PRKAR1B: variants seen among roughly 807,000 people sequenced by gnomAD.
PRKAR1B encodes the protein cAMP-dependent protein kinase type I-beta regulatory subunit.
PRKAR1B carries 22 observed loss-of-function variants against 46.5 expected under a neutral mutation model. That is an observed-to-expected ratio of 0.47 (90% confidence interval 0.34 to 0.68). The LOEUF (loss-of-function observed/expected upper bound fraction) is 0.68, where lower values mean the gene tolerates loss of function less well. Ranked by LOEUF, PRKAR1B falls within the 30% of genes least tolerant of loss-of-function variation. The pLI, the probability that PRKAR1B is intolerant of heterozygous loss-of-function variation, is 0.01. For missense variants in PRKAR1B, 445 were observed against 535.6 expected (o/e 0.83, Z 1.67); for synonymous variants, 259 against 217.7 (o/e 1.19, Z -1.67).
intron 4 of PRKAR1B, among the ~76,000 whole-genome samples, chr7:634,347 C>T (rs1454040405): frequency 6.6e-6 from 1 of 151,846 alleles, no homozygotes; most frequent in Non-Finnish European, 1.5e-5. Context: ...TTCAACTTAG[C>T]CAGGTGCAGT....
chr7:605,578 T>C (rs1044951130), intron 6 of PRKAR1B, among the ~76,000 whole-genome samples: 1 of 152,224 alleles, frequency 6.6e-6, no homozygotes, highest in African/African-American at 2.4e-5. Context: ...ACACATGGCC[T>C]GGCCATCGGG....
At chr7:551,824 A>C (rs377701202) in intron 9 of PRKAR1B, among the ~76,000 whole-genome samples, 2 of 64,544 alleles carry the variant, frequency 3.1e-5, no homozygotes, top group Non-Finnish European at 3.1e-5. Context: ...CCCACCTCCC[A>C]CCCAGGTCCT....
chr7:683,546 G>GTC (rs1203991723), intron 2 of PRKAR1B, among the ~76,000 whole-genome samples: 1 of 152,196 alleles, frequency 6.6e-6, no homozygotes, highest in African/African-American at 2.4e-5. Context: ...ACAAATGACT[G>GTC]TCTCCCCAGC....
At chr7:573,295 G>A (rs1779630248) in intron 9 of PRKAR1B, among the ~76,000 whole-genome samples, 1 of 152,284 alleles carries the variant, frequency 6.6e-6, no homozygotes, top group Admixed American at 6.5e-5. Context: ...GACGTGCAAG[G>A]CGCTGTTTTA....
chr7:727,110 C>T, intron 1 of PRKAR1B, 100 bp downstream of exon 1: 1 of 1,108,714 alleles, frequency 9.0e-7, no homozygotes, highest in Non-Finnish European at 1.1e-6. Flanking sequence ...GCCCCGTGCC[C>T]GCGCGCCGCC....
chr7:573,487 G>A (rs1041852858), intron 9 of PRKAR1B, among the ~76,000 whole-genome samples: 1 of 151,934 alleles, frequency 6.6e-6, no homozygotes, highest in African/African-American at 2.4e-5. Context: ...CCTGCGGAGG[G>A]GCAGCCAGCA....
intron 4 of PRKAR1B, among the ~76,000 whole-genome samples, chr7:655,185 T>A (rs1265009868): frequency 2.6e-5 from 4 of 152,340 alleles, no homozygotes; most frequent in Admixed American, 2.6e-4. Flanking sequence ...GCCGACATGC[T>A]ATGCCTTCTA....
chr7:583,685 G>GT (rs1780421189), intron 8 of PRKAR1B, among the ~76,000 whole-genome samples: 7 of 137,930 alleles, frequency 5.1e-5, no homozygotes, highest in Admixed American at 7.1e-5. Flanking sequence ...CAACCCACAC[G>GT]GTGCACTCAC....
At chr7:562,589 C>T (rs930597582) in intron 9 of PRKAR1B, among the ~76,000 whole-genome samples, 1 of 152,200 alleles carries the variant, frequency 6.6e-6, no homozygotes. Flanking sequence ...GTGGGCCAAG[C>T]CCCGGCCTCC....
At position 716,247 on chromosome 7, in the gene PRKAR1B, A is replaced by C. The variant is rs1293225977; in HGVS notation, c.-22-4720T>G. ...ATTTTTTTTTTTTTTGTAAAAAAAA[A>C]AAATCTCACTATGTTGCCTAGGCTA... is the stretch of plus-strand genomic sequence containing the variant. On this transcript the variant is annotated intron_variant, in intron 1 of 10. Transcript: ENST00000537384. Among the ~76,000 whole-genome samples, 838 of 151,146 alleles carry C rather than the reference A, an allele frequency of 5.5e-3. 11 individuals carry two copies. The highest frequency in any genetic ancestry group is 0.019 in the African/African-American group (795 of 41,136).
chr7:571,439 C>G lies in PRKAR1B; in HGVS notation c.891+7817G>C, dbSNP rs914235661. Among the ~76,000 whole-genome samples, 3 of 152,314 alleles carry G rather than the reference C, an allele frequency of 2.0e-5. No homozygotes were observed. In the East Asian group the frequency reaches 5.8e-4, roughly 29 times the overall value. On this transcript the variant is annotated intron_variant, in intron 9 of 10. Transcript: ENST00000537384. ...TTCAGGCGTCGGCGGGGAGGAGGCG[C>G]GGGGCTCTGATGAGCCAGGAAAAGT... is the stretch of plus-strand genomic sequence containing the variant.
intron 9 of PRKAR1B, among the ~76,000 whole-genome samples, chr7:554,597 A>G (rs1357073175): frequency 6.6e-6 from 1 of 151,998 alleles, no homozygotes; most frequent in Admixed American, 6.6e-5. Context: ...GCCAGAAGAC[A>G]GGGGAGGCCA....
chr7:597,224 A>C (rs1239338841), intron 6 of PRKAR1B, among the ~76,000 whole-genome samples: 1 of 152,246 alleles, frequency 6.6e-6, no homozygotes. Flanking sequence ...ATTGCAATGA[A>C]TCATGGAATC....
chr7:568,567 G>A (rs1046027091), intron 9 of PRKAR1B, among the ~76,000 whole-genome samples: 14 of 152,264 alleles, frequency 9.2e-5, no homozygotes, highest in Middle Eastern at 3.2e-3. Context: ...GAAGGTCTGG[G>A]AGGAGGGGAG....
chr7:607,390 C>A lies in PRKAR1B; in HGVS notation c.502+1G>T. 1 of 1,613,342 alleles carries A rather than the reference C, an allele frequency of 6.2e-7. No individual in the cohort carries two copies. ...GGCTCCGAGGAGCAGGCAGAACGTA[C>A]CTTGCTGTATAACAGTCTCCCCAGC... On this transcript the variant is annotated splice_donor_variant, in intron 5 of 10. Transcript: ENST00000537384. LOFTEE classifies it high-confidence loss of function.
intron 4 of PRKAR1B, among the ~76,000 whole-genome samples, chr7:648,288 C>T (rs908206492): frequency 6.6e-6 from 1 of 151,968 alleles, no homozygotes; most frequent in Admixed American, 6.6e-5. Flanking sequence ...TTTTAACTGC[C>T]CTTCTCTCTT....
chr7:625,979 G>A (rs1209159080), intron 4 of PRKAR1B, among the ~76,000 whole-genome samples: 2 of 141,660 alleles, frequency 1.4e-5, no homozygotes, highest in Admixed American at 7.4e-5. Context: ...TTGCACTCCA[G>A]CCTGGGTGAC....
chr7:549,470 A>T lies in PRKAR1B; in HGVS notation c.*960T>A, dbSNP rs1213394682. ...CCTCGCTTGTCTTTCGGGGGAACCC[A>T]GGAATCCCCTGGGAAGCTTCTCTGC... On this transcript the variant is annotated 3_prime_UTR_variant, in exon 11 of 11. Coordinates refer to ENST00000537384, the MANE Select transcript of PRKAR1B (RefSeq NM_001164760.2). 1 of 152,398 alleles carries T rather than the reference A, an allele frequency of 6.6e-6. No individual in the cohort carries two copies. The highest frequency in any genetic ancestry group is 1.5e-5 in the Non-Finnish European group (1 of 68,172). The allele number at this position is 152,398 out of a possible 1,614,324, so 9.4% of individuals were successfully genotyped here. A position where few individuals can be genotyped will look rare whatever the true frequency, so the allele number is the denominator to read the frequency against.
chr7:565,248 G>C (rs900062706), intron 9 of PRKAR1B: 6 of 152,258 alleles, frequency 3.9e-5, no homozygotes, highest in Admixed American at 2.6e-4. Context: ...AAGGTGTCCA[G>C]CTTGGATGTC....
Sources: gnomAD v4.1 joint callset for allele counts (sites outside exome capture counted in the v4.1 genomes callset) on GRCh38, gnomAD v4.1.1 for gene constraint, MANE v1.5 for transcripts, NCBI Gene and HGNC (gene_info 2026-07-23, HGNC 2026-07-21) for gene names.